VWA3B: variants seen among roughly 807,000 people sequenced by gnomAD.
VWA3B encodes the protein von Willebrand factor A domain containing 3B.
VWA3B carries 138 observed loss-of-function variants against 158.3 expected under a neutral mutation model. The ratio of observed to expected loss-of-function variants is 0.87; its 90% CI spans 0.76 to 1.00. VWA3B has a LOEUF of 1.00. Ranked by LOEUF, VWA3B falls within the 50% of genes least tolerant of loss-of-function variation. VWA3B has a pLI of 0.00. For synonymous variants in VWA3B, 596 were observed against 587.3 expected, an observed-to-expected ratio of 1.01 and a Z score of -0.21; for missense variants, 1,555 against 1,565.1, an observed-to-expected ratio of 0.99 and a Z score of 0.11.
chr2:98,229,989 T>C (rs751573081), intron 15 of VWA3B, 61 bp from the exon 16 acceptor site: 9 of 1,507,482 alleles, frequency 6.0e-6, no homozygotes, highest in Non-Finnish European at 7.9e-6. Context: ...CTCTGCCTTC[T>C]TGATGGAAAT....
chr2:98,134,062 T>A, intron 7 of VWA3B, 123 bp downstream of exon 7: 1 of 789,200 alleles, frequency 1.3e-6, no homozygotes, highest in Non-Finnish European at 2.1e-6. Context: ...GTTATTAATG[T>A]AGTGCAAGAG....
chr2:98,298,228 C>A (rs1689937471), intron 24 of VWA3B, among the ~76,000 whole-genome samples, 197 bp downstream of exon 24: 1 of 152,184 alleles, frequency 6.6e-6, no homozygotes, highest in Admixed American at 6.5e-5. Flanking sequence ...TGACCCTGAC[C>A]TGCCAACTCC....
chr2:98,236,884 G>T, intron 19 of VWA3B, 154 bp downstream of exon 19: 1 of 1,156,272 alleles, frequency 8.6e-7, no homozygotes, highest in East Asian at 2.5e-5. Context: ...AGAGAGAGAG[G>T]CTTTTAAGAA....
intron 22 of VWA3B, among the ~76,000 whole-genome samples, chr2:98,271,871 T>C (rs1187965603): frequency 1.3e-5 from 2 of 152,246 alleles, no homozygotes; most frequent in African/African-American, 4.8e-5. Context: ...TGTTTGAATG[T>C]GTCCCCCAGA....
chr2:98,231,542 C>T (rs185330693), intron 16 of VWA3B, among the ~76,000 whole-genome samples: 2 of 152,106 alleles, frequency 1.3e-5, no homozygotes, highest in Non-Finnish European at 2.9e-5. Context: ...GAAGCAATAT[C>T]TACAGTCAAA....
intron 3 of VWA3B, among the ~76,000 whole-genome samples, chr2:98,116,536 T>G (rs1481747695): frequency 6.6e-6 from 1 of 152,238 alleles, no homozygotes; most frequent in African/African-American, 2.4e-5. Flanking sequence ...AGACACTTTC[T>G]TGTTCTATCA....
At chr2:98,236,183 G>A (rs547650110) in intron 17 of VWA3B, among the ~76,000 whole-genome samples, 2 of 152,288 alleles carry the variant, frequency 1.3e-5, no homozygotes, top group East Asian at 1.9e-4. Flanking sequence ...TGGTAGTGCC[G>A]TATTTACCCA....
At chr2:98,091,152 A>G (rs1168650140) in intron 1 of VWA3B, among the ~76,000 whole-genome samples, 1 of 152,168 alleles carries the variant, frequency 6.6e-6, no homozygotes, top group Admixed American at 6.5e-5. Context: ...CCCTACTAGA[A>G]TGCAGTCCTA....
At chr2:98,283,935 T>G (rs571710533) in intron 22 of VWA3B, among the ~76,000 whole-genome samples, 1 of 152,370 alleles carries the variant, frequency 6.6e-6, no homozygotes, top group Admixed American at 6.5e-5. Flanking sequence ...CAAGCCACAG[T>G]AGGCCATTTT....
chr2:98,197,872 T>C (rs992717136), intron 12 of VWA3B, among the ~76,000 whole-genome samples: 4 of 152,126 alleles, frequency 2.6e-5, no homozygotes, highest in Non-Finnish European at 5.9e-5. Context: ...CCTTGGTTTC[T>C]TTTGTTACAG....
intron 2 of VWA3B, among the ~76,000 whole-genome samples, chr2:98,113,315 C>T (rs1217907214): frequency 6.6e-6 from 1 of 151,838 alleles, no homozygotes; most frequent in East Asian, 1.9e-4. Context: ...CTGTGTATAC[C>T]AAATCCATGC....
At chr2:98,213,579 A>T (rs990014783) in intron 13 of VWA3B, among the ~76,000 whole-genome samples, 1 of 152,222 alleles carries the variant, frequency 6.6e-6, no homozygotes, top group African/African-American at 2.4e-5. Context: ...AGCAAGGCAG[A>T]AAGGAGTCAG....
At chr2:98,132,660 C>G (rs77454852) in intron 6 of VWA3B, among the ~76,000 whole-genome samples, 12,055 of 152,242 alleles carry the variant, frequency 0.079, 650 homozygotes, top group East Asian at 0.16. Context: ...CCTTGACACT[C>G]AGGGCATGGG....
At chr2:98,152,220 G>A (rs561486373) in intron 7 of VWA3B, among the ~76,000 whole-genome samples, 7 of 152,316 alleles carry the variant, frequency 4.6e-5, no homozygotes, top group African/African-American at 1.7e-4. Context: ...TTCTGGGTGT[G>A]AATTTCACCT....
At chr2:98,317,016 G>A (rs926709130), downstream of VWA3B, among the ~76,000 whole-genome samples, 1 of 152,156 alleles carries the variant, frequency 6.6e-6, no homozygotes, top group Non-Finnish European at 1.5e-5. Context: ...CACAATGTGA[G>A]AATGGACTAA....
At position 98,096,057 on chromosome 2, in the gene VWA3B, C is replaced by T. The variant is rs138806456; in HGVS notation, c.196+2769C>T. 2.6e-5 allele frequency among the ~76,000 whole-genome samples: 4 copies of T among 152,264 alleles called. No individual in the cohort carries two copies. The East Asian group carries it at 7.7e-4, about 29-fold the overall frequency. On this transcript the variant is annotated intron_variant, in intron 2 of 27. Coordinates refer to ENST00000477737, the MANE Select transcript of VWA3B (RefSeq NM_144992.5). ...CTGAGCATTTTGCATCTATGTTCAT[C>T]AGGGGTATTGGCCTGTAAGTTTTCC...
intron 21 of VWA3B, among the ~76,000 whole-genome samples, chr2:98,270,231 A>G (rs960795043): frequency 6.6e-6 from 1 of 152,274 alleles, no homozygotes; most frequent in South Asian, 2.1e-4. Flanking sequence ...ATGAGCTAGT[A>G]TAAGAATTAC....
chr2:98,200,658 G>A (rs1272824530), intron 12 of VWA3B, among the ~76,000 whole-genome samples: 1 of 151,954 alleles, frequency 6.6e-6, no homozygotes, highest in Non-Finnish European at 1.5e-5. Context: ...CCCTTAATAG[G>A]GTTTTTCACT....
the VWA3B span, among the ~76,000 whole-genome samples, chr2:98,330,547 C>T: frequency 4.6e-5 from 7 of 152,314 alleles, no homozygotes; most frequent in Admixed American, 2.6e-4. Context: ...TGATCTGCCT[C>T]CAGCCTACTT....
Sources: gnomAD v4.1 joint callset for allele counts (sites outside exome capture counted in the v4.1 genomes callset) on GRCh38, gnomAD v4.1.1 for gene constraint, MANE v1.5 for transcripts, NCBI Gene and HGNC (gene_info 2026-07-23, HGNC 2026-07-21) for gene names.